The following PCLO variants were observed in gnomAD, a reference collection of about 807,000 sequenced individuals.
PCLO encodes the protein piccolo presynaptic cytomatrix protein.
Under a neutral mutation model 427.5 loss-of-function variants are expected in PCLO, and 82 were observed. That is an observed-to-expected ratio of 0.19 (90% CI 0.16 to 0.23). The LOEUF (loss-of-function observed/expected upper bound fraction) is 0.23. PCLO is among the 10% of genes least tolerant of loss of function. The pLI, the probability that PCLO is intolerant of heterozygous loss-of-function variation, is 1.00. For synonymous variants in PCLO, 2,357 were observed against 2,155.4 expected, an observed-to-expected ratio of 1.09 and a Z score of -2.59; for missense variants, 6,239 against 6,115.9, an observed-to-expected ratio of 1.02 and a Z score of -0.67.
chr7:82,925,690 C>A (rs1306300726), intron 6 of PCLO, among the ~76,000 whole-genome samples: 1 of 144,534 alleles, frequency 6.9e-6, no homozygotes, highest in Non-Finnish European at 1.5e-5. Context: ...ATGTTTAGTG[C>A]AAAAGCTCAA....
At chr7:82,784,992 A>G (rs899561201) in intron 22 of PCLO, among the ~76,000 whole-genome samples, 2 of 152,200 alleles carry the variant, frequency 1.3e-5, no homozygotes, top group African/African-American at 4.8e-5. Context: ...ACTGGAAAAC[A>G]TTTCTTTACT....
At chr7:82,944,077 T>C (rs562221947) in intron 6 of PCLO, among the ~76,000 whole-genome samples, 4 of 139,998 alleles carry the variant, frequency 2.9e-5, no homozygotes, top group South Asian at 2.2e-4. Flanking sequence ...AACCCAGGAG[T>C]TGCAGGTGAA....
At chr7:82,847,525 C>T (rs1792535537) in intron 10 of PCLO, among the ~76,000 whole-genome samples, 1 of 152,134 alleles carries the variant, frequency 6.6e-6, no homozygotes, top group Admixed American at 6.6e-5. Flanking sequence ...GTTCACACTG[C>T]CATAAAAAAC....
chr7:82,872,929 C>G (rs956114575), intron 10 of PCLO, among the ~76,000 whole-genome samples: 2 of 151,950 alleles, frequency 1.3e-5, no homozygotes, highest in East Asian at 3.9e-4. Context: ...ATAAGCAAAA[C>G]GAATCTTATA....
intron 3 of PCLO, among the ~76,000 whole-genome samples, chr7:83,056,365 T>G (rs758610389): frequency 6.6e-6 from 1 of 152,186 alleles, no homozygotes; most frequent in Non-Finnish European, 1.5e-5. Context: ...AACAGACTTC[T>G]AAAATGTTAG....
At chr7:83,161,749 C>T (rs1444445431) in intron 1 of PCLO, among the ~76,000 whole-genome samples, 1 of 152,174 alleles carries the variant, frequency 6.6e-6, no homozygotes, top group Non-Finnish European at 1.5e-5. Flanking sequence ...TCTGCTGTGA[C>T]CAAACCATCT....
intron 9 of PCLO, among the ~76,000 whole-genome samples, chr7:82,900,019 T>C (rs1014904489): frequency 6.6e-6 from 1 of 151,676 alleles, no homozygotes; most frequent in East Asian, 1.9e-4. Flanking sequence ...AAATTCTTTT[T>C]TTAGCAAGTA....
intron 21 of PCLO, among the ~76,000 whole-genome samples, chr7:82,801,866 C>T (rs959033967): frequency 2.0e-4 from 31 of 151,896 alleles, no homozygotes; most frequent in African/African-American, 7.5e-4. Flanking sequence ...TATTTGTAGA[C>T]TATTTATCAA....
At position 82,762,752 on chromosome 7, in the gene PCLO, A is replaced by G. The variant is rs571860847; in HGVS notation, c.15008-1259T>C. ...ATATTTTTTCAAATTTCATTAGTGC[A>G]TGGCTTAATAGAGGACAACTGCATT... On this transcript the variant is annotated intron_variant, in intron 22 of 24. Transcript: ENST00000333891. 5.9e-5 allele frequency among the ~76,000 whole-genome samples: 9 copies of G among 152,176 alleles called. No individual in the cohort carries two copies. In the South Asian group the frequency reaches 1.5e-3, roughly 25 times the overall value.
rs574062706 is a variant in PCLO, at chr7:82,988,611, T to C, written c.3301-22124A>G. Reference sequence around the variant, plus strand: ...TTTTTAAAAATATCTTGAGCTATCATTGAATATAGTAATATTATATTAAAA... The same window carrying C: ...TTTTTAAAAATATCTTGAGCTATCACTGAATATAGTAATATTATATTAAAA... On this transcript the variant is annotated intron_variant, in intron 3 of 24. Transcript: ENST00000333891. Among the ~76,000 whole-genome samples the C allele has an allele frequency of 1.4e-3, 206 of 152,100 alleles. 1 individual carries two copies. The highest frequency in any genetic ancestry group is 4.6e-3 in the African/African-American group (190 of 41,546).
chr7:82,986,410 A>G (rs2115810125), intron 3 of PCLO, among the ~76,000 whole-genome samples: 1 of 152,138 alleles, frequency 6.6e-6, no homozygotes, highest in South Asian at 2.1e-4. Context: ...TTGCTCTAAA[A>G]TAGAAAACCA....
chr7:82,944,620 G>A (rs556075610), intron 6 of PCLO, among the ~76,000 whole-genome samples: 4 of 152,162 alleles, frequency 2.6e-5, no homozygotes, highest in South Asian at 2.1e-4. Context: ...TATAGGAGTC[G>A]GCAATTTCCA....
chr7:83,022,950 T>G (rs1193313474), intron 3 of PCLO, among the ~76,000 whole-genome samples: 1 of 152,228 alleles, frequency 6.6e-6, no homozygotes, highest in Non-Finnish European at 1.5e-5. Context: ...TTTTATTTGA[T>G]GTGAGATAAA....
intron 22 of PCLO, among the ~76,000 whole-genome samples, chr7:82,792,288 G>GTTTTT (rs201688988): frequency 6.7e-6 from 1 of 149,544 alleles, no homozygotes; most frequent in African/African-American, 2.5e-5. Flanking sequence ...CCTATTGCTT[G>GTTTTT]TTTTTCATTT....
intron 3 of PCLO, among the ~76,000 whole-genome samples, chr7:83,107,998 A>G (rs1790908346): frequency 1.3e-5 from 2 of 151,030 alleles, no homozygotes; most frequent in South Asian, 4.2e-4. Flanking sequence ...AAAAAAAAAA[A>G]AAAAAAAAAA....
At chr7:83,075,584 G>C (rs1263048534) in intron 3 of PCLO, among the ~76,000 whole-genome samples, 1 of 152,074 alleles carries the variant, frequency 6.6e-6, no homozygotes, top group Non-Finnish European at 1.5e-5. Flanking sequence ...GGACTGATAG[G>C]ATCAAAGTAG....
intron 3 of PCLO, among the ~76,000 whole-genome samples, chr7:83,022,905 A>C (rs1158430233): frequency 6.6e-6 from 1 of 152,246 alleles, no homozygotes; most frequent in Non-Finnish European, 1.5e-5. Flanking sequence ...GTTGAAACAT[A>C]ATAAGCTAAT....
chr7:82,996,089 T>C (rs1026925316), intron 3 of PCLO, among the ~76,000 whole-genome samples: 11 of 151,792 alleles, frequency 7.2e-5, no homozygotes, highest in Admixed American at 2.6e-4. Flanking sequence ...AATATGCATG[T>C]CATTAAAATT....
At chr7:82,765,212 C>T (rs191412579) in intron 22 of PCLO, among the ~76,000 whole-genome samples, 1 of 151,678 alleles carries the variant, frequency 6.6e-6, no homozygotes, top group East Asian at 1.9e-4. Flanking sequence ...AAGAAATGAT[C>T]ACATGAAAAT....
Sources: gnomAD v4.1 joint callset for allele counts (sites outside exome capture counted in the v4.1 genomes callset) on GRCh38, gnomAD v4.1.1 for gene constraint, MANE v1.5 for transcripts, NCBI Gene and HGNC (gene_info 2026-07-23, HGNC 2026-07-21) for gene names.